The following SEMA3A variants were observed in gnomAD, a reference collection of about 807,000 sequenced individuals.
The protein encoded by SEMA3A is semaphorin 3A.
A neutral mutation model predicts 97.9 loss-of-function variants in SEMA3A; 29 were observed. The observed-to-expected ratio is 0.30, with a 90% CI of 0.22 to 0.40. SEMA3A has a LOEUF of 0.40. SEMA3A is among the 10% of genes least tolerant of loss of function. The pLI, the probability that SEMA3A is intolerant of heterozygous loss-of-function variation, is 1.00. For synonymous variants in SEMA3A, 321 were observed against 323.7 expected, an observed-to-expected ratio of 0.99 and a Z score of 0.09; for missense variants, 763 against 951.3, an observed-to-expected ratio of 0.80 and a Z score of 2.60.
intron 1 of SEMA3A, among the ~76,000 whole-genome samples, chr7:84,171,707 A>G (rs1335726830): frequency 1.3e-5 from 2 of 152,170 alleles, no homozygotes; most frequent in African/African-American, 4.8e-5. Flanking sequence ...AAATGTAAAA[A>G]TATTAATCAA....
intron 1 of SEMA3A, among the ~76,000 whole-genome samples, chr7:84,457,431 A>G (rs898381276): frequency 6.6e-5 from 10 of 152,072 alleles, no homozygotes; most frequent in African/African-American, 2.4e-4. Flanking sequence ...TATTTAGAAG[A>G]GGATGATTTG....
In SEMA3A at chr7:84,014,197, T is replaced by TC; in HGVS notation, c.810+11dup. On this transcript the variant is annotated intron_variant, in intron 7 of 16. Coordinates refer to ENST00000265362, the MANE Select transcript of SEMA3A (RefSeq NM_006080.3). ...AATGACATCCTTCTCAGTTTTTTTT[T>TC]CTTTACCTCACCTTGCATATCTGAC... The TC allele has an allele frequency of 6.3e-7, 1 of 1,587,038 alleles. No homozygotes were observed. The highest frequency in any genetic ancestry group is 1.2e-5 in the South Asian group (1 of 85,548).
intron 10 of SEMA3A, among the ~76,000 whole-genome samples, chr7:84,006,622 T>C (rs1426179096): frequency 6.6e-6 from 1 of 152,134 alleles, no homozygotes; most frequent in Non-Finnish European, 1.5e-5. Flanking sequence ...AGTGCAAGCA[T>C]TTATAGAGTA....
chr7:84,451,628 CA>C (rs1213672235), intron 1 of SEMA3A, among the ~76,000 whole-genome samples: 14 of 152,128 alleles, frequency 9.2e-5, no homozygotes, highest in Admixed American at 9.2e-4. Flanking sequence ...AAAGCCTCTA[CA>C]AACTTTGAAA....
At chr7:83,967,318 T>A (rs1184908547) in intron 15 of SEMA3A, among the ~76,000 whole-genome samples, 1 of 152,184 alleles carries the variant, frequency 6.6e-6, no homozygotes, top group Admixed American at 6.5e-5. Context: ...TAGGAAACAT[T>A]AGAAATCCAT....
chr7:84,032,981 C>T (rs78221104), intron 6 of SEMA3A, among the ~76,000 whole-genome samples: 7,640 of 151,902 alleles, frequency 0.05, 253 homozygotes, highest in East Asian at 0.12. Flanking sequence ...TGTTGTTTTG[C>T]ACTAAAAATC....
At chr7:84,288,724 C>CA (rs1047647179) in intron 3 of SEMA3A, among the ~76,000 whole-genome samples, 30 of 151,612 alleles carry the variant, frequency 2.0e-4, no homozygotes, top group East Asian at 1.9e-3. Flanking sequence ...AAAACAAAAA[C>CA]AAAAAAAACC....
chr7:84,151,207 C>T (rs1379478860), intron 1 of SEMA3A, among the ~76,000 whole-genome samples: 177 of 151,632 alleles, frequency 1.2e-3, no homozygotes, highest in South Asian at 4.2e-3. Context: ...AGGAACGCAG[C>T]TCCTCACCAG....
At chr7:84,395,233 C>T (rs1803694666) in intron 1 of SEMA3A, among the ~76,000 whole-genome samples, 1 of 151,984 alleles carries the variant, frequency 6.6e-6, no homozygotes, top group Non-Finnish European at 1.5e-5. Context: ...TTATAGAACT[C>T]ATTTGGTGGG....
intron 1 of SEMA3A, among the ~76,000 whole-genome samples, chr7:84,143,005 G>A (rs913699576): frequency 6.6e-6 from 1 of 152,042 alleles, no homozygotes. Flanking sequence ...CTGATCCATC[G>A]CTACAGTTTT....
chr7:84,140,118 G>C (rs2116067819), intron 1 of SEMA3A, among the ~76,000 whole-genome samples: 1 of 152,074 alleles, frequency 6.6e-6, no homozygotes, highest in African/African-American at 2.4e-5. Context: ...AAAGAAAAAA[G>C]ACACTCGCAC....
chr7:84,349,479 A>C (rs1325337436), intron 2 of SEMA3A, among the ~76,000 whole-genome samples: 1 of 152,202 alleles, frequency 6.6e-6, no homozygotes, highest in Non-Finnish European at 1.5e-5. Flanking sequence ...GAGAAATGAT[A>C]AATTGTGCTA....
chr7:84,351,234 C>T (rs998101859), intron 2 of SEMA3A, among the ~76,000 whole-genome samples: 10 of 152,060 alleles, frequency 6.6e-5, no homozygotes, highest in African/African-American at 4.8e-5. Flanking sequence ...TACTCCTTCC[C>T]GTCTTTCCCA....
At chr7:84,331,535 T>G (rs1281317155) in intron 2 of SEMA3A, among the ~76,000 whole-genome samples, 1 of 152,146 alleles carries the variant, frequency 6.6e-6, no homozygotes, top group East Asian at 1.9e-4. Context: ...TTTTATATGC[T>G]TCTAACTAAT....
At chr7:84,322,073 T>C (rs764725831) in intron 2 of SEMA3A, among the ~76,000 whole-genome samples, 7 of 151,046 alleles carry the variant, frequency 4.6e-5, no homozygotes, top group Non-Finnish European at 8.9e-5. Context: ...GTAGGGGAAA[T>C]GTCAAACACT....
chr7:84,241,369 T>C (rs554107889), intron 3 of SEMA3A, among the ~76,000 whole-genome samples: 1 of 152,348 alleles, frequency 6.6e-6, no homozygotes, highest in East Asian at 1.9e-4. Flanking sequence ...TGATGAGCTT[T>C]TTTTCATATG....
intron 4 of SEMA3A, among the ~76,000 whole-genome samples, chr7:84,064,941 C>T (rs1422975724): frequency 3.3e-5 from 5 of 152,376 alleles, no homozygotes; most frequent in South Asian, 4.1e-4. Flanking sequence ...CTACAGAACT[C>T]TCCACCCCAA....
rs534042938 is a variant in SEMA3A, at chr7:84,063,081, C to T, written c.454-2523G>A. 2.6e-5 allele frequency among the ~76,000 whole-genome samples: 4 copies of T among 152,082 alleles called. No homozygotes were observed. In the South Asian group the frequency reaches 6.3e-4, roughly 24 times the overall value. The stretch of plus-strand genomic sequence containing the variant: ...ACGCCGCTGGAGATCTGAGAACGGG[C>T]AGACTGCCTCCTCAAGTGGGTCCCT... On this transcript the variant is annotated intron_variant, in intron 4 of 16. Transcript: ENST00000265362.
intron 2 of SEMA3A, among the ~76,000 whole-genome samples, chr7:84,319,178 T>C (rs1260868922): frequency 6.6e-6 from 1 of 152,044 alleles, no homozygotes; most frequent in Non-Finnish European, 1.5e-5. Flanking sequence ...CCAGTGACAA[T>C]ATTAGAAAAT....
Sources: gnomAD v4.1 joint callset for allele counts (sites outside exome capture counted in the v4.1 genomes callset) on GRCh38, gnomAD v4.1.1 for gene constraint, MANE v1.5 for transcripts, NCBI Gene and HGNC (gene_info 2026-07-23, HGNC 2026-07-21) for gene names.